Variants in DGKH observed in about 807,000 individuals in gnomAD.
DGKH encodes DAG kinase eta.
DGKH carries 90 observed loss-of-function variants against 159.3 expected under a neutral mutation model. The observed-to-expected ratio is 0.57, with a 90% confidence interval of 0.48 to 0.67. The LOEUF is 0.67. Ranked by LOEUF, DGKH falls within the 30% of genes least tolerant of loss-of-function variation. The pLI, the probability that DGKH is intolerant of heterozygous loss-of-function variation, is 0.00. For synonymous variants in DGKH, 536 were observed against 553.8 expected (o/e 0.97, Z 0.45); for missense variants, 1,181 against 1,506.1 (o/e 0.78, Z 3.57).
intron 24 of DGKH, among the ~76,000 whole-genome samples, chr13:42,213,475 G>A (rs903324063): frequency 3.3e-5 from 5 of 152,072 alleles, no homozygotes; most frequent in East Asian, 1.9e-4. Context: ...GTTGATTTAT[G>A]TCTTTCCCTT....
intron 29 of DGKH, among the ~76,000 whole-genome samples, chr13:42,224,903 A>AAAAT (rs1555279950): frequency 8.3e-5 from 12 of 144,972 alleles, no homozygotes; most frequent in African/African-American, 3.0e-4. Flanking sequence ...GGAAAAAAAA[A>AAAAT]ATATATATAT....
At chr13:42,061,988 GGT>G (rs60863220) in intron 1 of DGKH, among the ~76,000 whole-genome samples, 12 of 149,652 alleles carry the variant, frequency 8.0e-5, no homozygotes, top group Admixed American at 1.3e-4. Flanking sequence ...TGTGTGTGTG[GGT>G]GTGTGTGTGT....
intron 28 of DGKH, 173 bp from the exon 29 acceptor site, chr13:42,221,091 T>C (rs1189275599): frequency 1.3e-6 from 1 of 764,958 alleles, no homozygotes; most frequent in Non-Finnish European, 2.0e-6. Context: ...GTTGATAGTG[T>C]GTAACTTGCA....
intron 3 of DGKH, chr13:42,137,950 G>A (rs1215664934): frequency 1.1e-4 from 33 of 296,342 alleles, no homozygotes; most frequent in African/African-American, 6.1e-4. Flanking sequence ...GGTTGAATTC[G>A]TGGAGGAATA....
At chr13:42,130,399 A>T (rs899531025) in intron 3 of DGKH, among the ~76,000 whole-genome samples, 1 of 152,198 alleles carries the variant, frequency 6.6e-6, no homozygotes, top group African/African-American at 2.4e-5. Context: ...CAAAGTATGG[A>T]TTGAGTTCCC....
intron 1 of DGKH, among the ~76,000 whole-genome samples, chr13:42,049,481 C>T (rs1444043809): frequency 6.6e-6 from 1 of 152,248 alleles, no homozygotes; most frequent in Non-Finnish European, 1.5e-5. Flanking sequence ...CCCACTTAGG[C>T]CCACTCAGAG....
chr13:42,059,506 T>A (rs1444815099), intron 1 of DGKH, among the ~76,000 whole-genome samples: 1 of 152,170 alleles, frequency 6.6e-6, no homozygotes, highest in Admixed American at 6.5e-5. Context: ...CACGTTGGCC[T>A]CCCAAAGTGC....
At chr13:42,119,114 T>C (rs2137820790) in intron 1 of DGKH, among the ~76,000 whole-genome samples, 1 of 152,316 alleles carries the variant, frequency 6.6e-6, no homozygotes, top group East Asian at 1.9e-4. Flanking sequence ...GCTGCCTACC[T>C]TGGGTGACAC....
At chr13:42,161,789 A>G (rs529077477) in intron 7 of DGKH, among the ~76,000 whole-genome samples, 1 of 152,120 alleles carries the variant, frequency 6.6e-6, no homozygotes, top group South Asian at 2.1e-4. Flanking sequence ...CTCAAAAAAA[A>G]AAAAAGAAAA....
rs868722498 is a variant in DGKH at position 42,162,152 on chromosome 13, C to T, written c.855+2016C>T. On this transcript the variant is annotated intron_variant, in intron 7 of 29. Transcript: ENST00000337343. ...CTGAGCTACCATCACCTTATAGCACCTCTCTTAGTCTTGCACTTCCTATAC... is the reference window on the plus strand; with the variant it reads ...CTGAGCTACCATCACCTTATAGCACTTCTCTTAGTCTTGCACTTCCTATAC... 1.6e-4 allele frequency among the ~76,000 whole-genome samples: 24 copies of T among 152,278 alleles called. 1 individual carries two copies. In the Middle Eastern group the frequency reaches 0.024, roughly 151 times the overall value.
At chr13:42,084,244 A>G (rs554527587) in intron 1 of DGKH, among the ~76,000 whole-genome samples, 1 of 152,172 alleles carries the variant, frequency 6.6e-6, no homozygotes, top group Non-Finnish European at 1.5e-5. Context: ...ATTTTTAAAA[A>G]TCACTTAAAA....
At chr13:42,101,386 G>A (rs541765122) in intron 1 of DGKH, among the ~76,000 whole-genome samples, 168 of 152,316 alleles carry the variant, frequency 1.1e-3, no homozygotes, top group Non-Finnish European at 1.6e-3. Context: ...GTGCTGTCTA[G>A]TACAGTAGCC....
chr13:42,055,189 G>A (rs766100252), intron 1 of DGKH, among the ~76,000 whole-genome samples: 6 of 152,184 alleles, frequency 3.9e-5, no homozygotes, highest in Non-Finnish European at 2.9e-5. Context: ...AGGTAGTATA[G>A]TTAGGTTTGC....
intron 1 of DGKH, among the ~76,000 whole-genome samples, chr13:42,097,832 A>G (rs1008316024): frequency 1.3e-5 from 2 of 152,150 alleles, no homozygotes; most frequent in African/African-American, 4.8e-5. Context: ...GTGATTCTAA[A>G]ATACATTTTC....
At chr13:42,116,560 A>G (rs1163663978) in intron 1 of DGKH, among the ~76,000 whole-genome samples, 2 of 152,232 alleles carry the variant, frequency 1.3e-5, no homozygotes, top group Non-Finnish European at 1.5e-5. Context: ...CCAGCATCGC[A>G]TATGAAAGTG....
chr13:42,183,692 T>C (rs1956834506), intron 13 of DGKH, among the ~76,000 whole-genome samples: 2 of 152,224 alleles, frequency 1.3e-5, no homozygotes, highest in Admixed American at 6.5e-5. Context: ...ACAACATTTC[T>C]TTGACCTTAG....
chr13:42,041,104 AGCGCCTTTGTCC>A (rs1880473674), intron 1 of DGKH, among the ~76,000 whole-genome samples: 3 of 151,974 alleles, frequency 2.0e-5, no homozygotes, highest in African/African-American at 7.2e-5. Context: ...CGCCGCCTGG[AGCGCCTTTGTCC>A]GGCTGATCGA....
chr13:42,130,622 G>A (rs1295322377), intron 3 of DGKH, among the ~76,000 whole-genome samples: 1 of 152,154 alleles, frequency 6.6e-6, no homozygotes, highest in Non-Finnish European at 1.5e-5. Context: ...TGACAGCAGT[G>A]TGCAGTGTCC....
chr13:42,111,241 A>G (rs1954858145), intron 1 of DGKH, among the ~76,000 whole-genome samples: 2 of 152,240 alleles, frequency 1.3e-5, no homozygotes, highest in Admixed American at 1.3e-4. Context: ...GGGACAAAGT[A>G]CATTAGCAAT....
Sources: gnomAD v4.1 joint callset for allele counts (sites outside exome capture counted in the v4.1 genomes callset) on GRCh38, gnomAD v4.1.1 for gene constraint, MANE v1.5 for transcripts, NCBI Gene and HGNC (gene_info 2026-07-23, HGNC 2026-07-21) for gene names.